Variants in ESF1 observed in about 807,000 individuals in gnomAD.
The protein encoded by ESF1 is ESF1 nucleolar pre-rRNA processing protein.
Under a neutral mutation model 92.0 loss-of-function variants are expected in ESF1, and 58 were observed. That is an observed-to-expected ratio of 0.63 (90% CI 0.51 to 0.78). The LOEUF (loss-of-function observed/expected upper bound fraction) is 0.78, where lower values mean the gene tolerates loss of function less well. Among genes scored for constraint, ESF1 ranks in the 30% least tolerant of loss-of-function variants. ESF1 has a pLI of 0.00. For missense variants in ESF1, 922 were observed against 989.1 expected (o/e 0.93, Z 0.91); for synonymous variants, 321 against 313.7 (o/e 1.02, Z -0.24).
intron 11 of ESF1, among the ~76,000 whole-genome samples, chr20:13,723,685 C>T (rs1024978483): frequency 6.2e-4 from 94 of 152,198 alleles, no homozygotes; most frequent in African/African-American, 2.2e-3. Context: ...TTTGAAGGCA[C>T]ATAAGTTTAG....
At chr20:13,715,274 A>T in intron 13 of ESF1, 107 bp from the exon 14 acceptor site, 1 of 1,095,734 alleles carries the variant, frequency 9.1e-7, no homozygotes, top group South Asian at 2.2e-5. Flanking sequence ...TTGATTATAT[A>T]AAATACAAAC....
At chr20:13,733,140 G>C (rs1394723116) in intron 10 of ESF1, among the ~76,000 whole-genome samples, 1 of 151,384 alleles carries the variant, frequency 6.6e-6, no homozygotes, top group Non-Finnish European at 1.5e-5. Flanking sequence ...TGGCCAAGCT[G>C]GTCTTGAATT....
chr20:13,767,104 T>A (rs1180710925), intron 7 of ESF1, among the ~76,000 whole-genome samples, 180 bp from the exon 8 acceptor site: 1 of 152,184 alleles, frequency 6.6e-6, no homozygotes, highest in Non-Finnish European at 1.5e-5. Flanking sequence ...AATGGAACCA[T>A]TTCTATTAAC....
Position 13,769,899 on chromosome 20 carries a change from A to G in ESF1, c.1518+8T>C. ...TCCAGCTACATATTTTTTAAAGTAAAGAAATACCGTTGATGTTCCCATTGC... is the reference window on the plus strand; with the variant it reads ...TCCAGCTACATATTTTTTAAAGTAAGGAAATACCGTTGATGTTCCCATTGC... On this transcript the variant is annotated splice_region_variant and intron_variant, in intron 7 of 13. Coordinates refer to ENST00000617257, the MANE Select transcript of ESF1 (RefSeq NM_001276380.2). The G allele has an allele frequency of 6.4e-7, 1 of 1,570,470 alleles. No individual in the cohort carries two copies. Among genetic ancestry groups the G allele is most frequent in the Non-Finnish European group, 8.8e-7 (1 of 1,142,544 alleles).
intron 9 of ESF1, among the ~76,000 whole-genome samples, chr20:13,748,298 CT>C (rs1384813871): frequency 6.6e-6 from 1 of 151,866 alleles, no homozygotes; most frequent in African/African-American, 2.4e-5. Flanking sequence ...TACTAACCAC[CT>C]TGAAGAACTT....
intron 11 of ESF1, among the ~76,000 whole-genome samples, chr20:13,726,819 C>T (rs1032053844): frequency 3.1e-5 from 4 of 129,256 alleles, no homozygotes; most frequent in Non-Finnish European, 6.4e-5. Flanking sequence ...TCTGGCCTTG[C>T]TGTTTTGCTT....
At position 13,782,640 on chromosome 20, in the gene ESF1, T is replaced by G. The variant is rs750968639; in HGVS notation, c.501A>C (p.Lys167Asn). Reference protein sequence around the residue: ...DSKEFTQKNKKEKKNIVQHTT... With the variant: ...DSKEFTQKNKNEKKNIVQHTT... Reference sequence around the variant, plus strand: ...TATGTTGAACAATGTTTTTTTTCTCTTTCTTATTTTTTTGTGTAAATTCTT... The same window carrying G: ...TATGTTGAACAATGTTTTTTTTCTCGTTCTTATTTTTTTGTGTAAATTCTT... Residue 167 changes from lysine to asparagine, a missense_variant, in exon 2 of 14, where the codon AAA (lysine) becomes AAC (asparagine). Coordinates refer to ENST00000617257, the MANE Select transcript of ESF1 (RefSeq NM_001276380.2). 2 of 1,607,112 alleles carry G rather than the reference T, an allele frequency of 1.2e-6. No homozygotes were observed. Among genetic ancestry groups the G allele is most frequent in the South Asian group, 2.3e-5 (2 of 88,428 alleles).
At chr20:13,752,336 G>A (rs1460060963) in intron 9 of ESF1, among the ~76,000 whole-genome samples, 1 of 152,200 alleles carries the variant, frequency 6.6e-6, no homozygotes, top group Non-Finnish European at 1.5e-5. Flanking sequence ...AGTTACAAGA[G>A]TGCACTGTGA....
At position 13,716,804 on chromosome 20, in the gene ESF1, A is replaced by ATTTTT. The variant is rs71188180; in HGVS notation, c.2262+559_2262+563dup. ...TACAGGTGTGCGCCACTATACCTGG[A>ATTTTT]TTTTTTTTTTTTTTTTTTTTTTTTT... On this transcript the variant is annotated intron_variant, in intron 13 of 13. Transcript: ENST00000617257. Among the ~76,000 whole-genome samples the ATTTTT allele has an allele frequency of 5.1e-3, 234 of 45,912 alleles. 16 individuals are homozygous for ATTTTT. The highest frequency in any genetic ancestry group is 5.7e-3 in the Non-Finnish European group (141 of 24,846). The allele number at this position is 45,912 out of a possible 152,430, so 30.1% of individuals were successfully genotyped here.
intron 8 of ESF1, among the ~76,000 whole-genome samples, chr20:13,764,881 A>T (rs1407868237): frequency 1.3e-5 from 2 of 151,954 alleles, no homozygotes; most frequent in East Asian, 3.9e-4. Flanking sequence ...AAGAGTCATC[A>T]AGAGTCAACT....
At chr20:13,777,506 T>C (rs1447928498) in intron 2 of ESF1, among the ~76,000 whole-genome samples, 1 of 152,182 alleles carries the variant, frequency 6.6e-6, no homozygotes, top group African/African-American at 2.4e-5. Flanking sequence ...GAAGTCTGGG[T>C]TGGAGATCAG....
chr20:13,751,453 G>C (rs1978630737), intron 9 of ESF1, among the ~76,000 whole-genome samples: 1 of 152,192 alleles, frequency 6.6e-6, no homozygotes, highest in Non-Finnish European at 1.5e-5. Flanking sequence ...GTATAGTCTA[G>C]AAACGGTGGC....
intron 9 of ESF1, among the ~76,000 whole-genome samples, chr20:13,741,074 T>C (rs1657697565): frequency 6.6e-6 from 1 of 152,142 alleles, no homozygotes; most frequent in Non-Finnish European, 1.5e-5. Context: ...CCTATTCATT[T>C]TGGTCACTGC....
intron 9 of ESF1, among the ~76,000 whole-genome samples, chr20:13,735,914 C>T (rs544404409): frequency 2.6e-5 from 4 of 152,186 alleles, no homozygotes; most frequent in African/African-American, 9.6e-5. Flanking sequence ...GGATGGATAG[C>T]ATGAGATTTT....
At chr20:13,776,328 A>T (rs1979941649) in intron 2 of ESF1, 58 bp from the exon 3 acceptor site, 4 of 1,471,944 alleles carry the variant, frequency 2.7e-6, no homozygotes, top group Non-Finnish European at 3.6e-6. Context: ...ATTAAACTGA[A>T]TCCAAATTAT....
rs1280511281 is a variant in ESF1, at chr20:13,717,358, C to T, written c.2262+10G>A. ...AGCTTTAAGAGGCTATGCCTGGTGT[C>T]TATGGTTACCTCAAAGTCATCCTCT... On this transcript the variant is annotated intron_variant, in intron 13 of 13. Coordinates refer to ENST00000617257, the MANE Select transcript of ESF1 (RefSeq NM_001276380.2). 21 of 1,613,364 alleles carry T rather than the reference C, an allele frequency of 1.3e-5. No homozygotes were observed. The highest frequency in any genetic ancestry group is 1.8e-5 in the Non-Finnish European group (21 of 1,179,718).
intron 9 of ESF1, among the ~76,000 whole-genome samples, chr20:13,739,914 A>C (rs1469286404): frequency 6.6e-6 from 1 of 152,156 alleles, no homozygotes; most frequent in Non-Finnish European, 1.5e-5. Flanking sequence ...AGACCACTAC[A>C]TTAAGCCAAG....
chr20:13,717,591 G>C, intron 12 of ESF1, 77 bp from the exon 13 acceptor site: 3 of 1,512,080 alleles, frequency 2.0e-6, no homozygotes, highest in Non-Finnish European at 2.7e-6. Flanking sequence ...TAGGGCAGAA[G>C]ATATCTCTTC....
At chr20:13,722,807 T>C (rs2049876721) in intron 11 of ESF1, among the ~76,000 whole-genome samples, 1 of 150,792 alleles carries the variant, frequency 6.6e-6, no homozygotes, top group Non-Finnish European at 1.5e-5. Flanking sequence ...TGAGCCATAA[T>C]AGCACCACTG....
Sources: gnomAD v4.1 joint callset for allele counts (sites outside exome capture counted in the v4.1 genomes callset) on GRCh38, gnomAD v4.1.1 for gene constraint, MANE v1.5 for transcripts, NCBI Gene and HGNC (gene_info 2026-07-23, HGNC 2026-07-21) for gene names.